MYOM1: variants seen among roughly 807,000 people sequenced by gnomAD.
MYOM1 encodes myomesin-1.
MYOM1 carries 164 observed loss-of-function variants against 205.3 expected under a neutral mutation model. That is an observed-to-expected ratio of 0.80 (90% CI 0.70 to 0.91). The LOEUF is 0.91. Among genes scored for constraint, MYOM1 ranks in the 40% least tolerant of loss-of-function variants. The pLI, the probability that MYOM1 is intolerant of heterozygous loss-of-function variation, is 0.00. For missense variants in MYOM1, 2,011 were observed against 2,127.3 expected, an observed-to-expected ratio of 0.95 and a Z score of 1.08; for synonymous variants, 772 against 789.4, an observed-to-expected ratio of 0.98 and a Z score of 0.37.
the MYOM1 span, among the ~76,000 whole-genome samples, chr18:3,236,110 T>G: frequency 6.6e-6 from 1 of 152,242 alleles, no homozygotes; most frequent in African/African-American, 2.4e-5. Flanking sequence ...GCTTTTACTC[T>G]GAGTGAAGTA....
At chr18:3,192,854 C>T (rs936794524) in intron 3 of MYOM1, among the ~76,000 whole-genome samples, 1 of 151,968 alleles carries the variant, frequency 6.6e-6, no homozygotes, top group African/African-American at 2.4e-5. Context: ...ATCTATTTCC[C>T]ATTGAACAAG....
rs759358324 is a variant in MYOM1 at position 3,215,105 on chromosome 18, G to A, written c.119C>T (p.Thr40Ile). The change falls in exon 2 of 38, where the codon ACC (threonine) becomes ATC (isoleucine). Residue 40 changes from threonine (T) to isoleucine (I), a missense_variant. Coordinates refer to ENST00000356443, the MANE Select transcript of MYOM1 (RefSeq NM_003803.4). ...QREKKRSAVY[T>I]QGSTAYSSRS... ...GCTGCTGTAGGCCGTGGAGCCCTGG[G>A]TGTAGACGGCGGAGCGTTTCTTCTC... The A allele has an allele frequency of 1.2e-6, 2 of 1,613,868 alleles. No individual in the cohort carries two copies. The highest frequency in any genetic ancestry group is 1.7e-6 in the Non-Finnish European group (2 of 1,179,870).
At position 3,079,314 on chromosome 18, in the gene MYOM1, CTCTG is replaced by C. The variant is rs1473638124; in HGVS notation, c.4509_4512del (p.Asp1503GlufsTer58). 11 of 1,613,756 alleles carry C rather than the reference CTCTG, an allele frequency of 6.8e-6. No homozygotes were observed. Among genetic ancestry groups the C allele is most frequent in the Admixed American group, 5.0e-5 (3 of 59,998 alleles). ...TGCTCTCCAGTGACCCCGGTCTTAA[CTCTG>C]TCTGAGTACCTAATGGCGGACCCAC... On this transcript the variant is annotated frameshift_variant, in exon 34 of 38. Coordinates refer to ENST00000356443, the MANE Select transcript of MYOM1 (RefSeq NM_003803.4). LOFTEE classifies it high-confidence loss of function.
At position 3,068,673 on chromosome 18, in the gene MYOM1, T is replaced by A. The variant is rs1598640533; in HGVS notation, c.4765-1118A>T. ...TCAGAATAACCTTTGTAACTCAGCATAATTACATCCAGATTCATCCAAGAT... is the reference window on the plus strand; with the variant it reads ...TCAGAATAACCTTTGTAACTCAGCAAAATTACATCCAGATTCATCCAAGAT... On this transcript the variant is annotated intron_variant, in intron 37 of 37. Coordinates refer to ENST00000356443, the MANE Select transcript of MYOM1 (RefSeq NM_003803.4). Among the ~76,000 whole-genome samples the A allele has an allele frequency of 2.0e-5, 3 of 152,224 alleles. No homozygotes were observed. In the East Asian group the frequency reaches 5.8e-4, roughly 29 times the overall value.
intron 2 of MYOM1, among the ~76,000 whole-genome samples, chr18:3,211,314 A>C (rs1365296757): frequency 6.6e-6 from 1 of 152,198 alleles, no homozygotes; most frequent in African/African-American, 2.4e-5. Flanking sequence ...CAGGTCATAC[A>C]CTAGACTCTC....
At chr18:3,088,446 T>C (rs2079181650) in intron 29 of MYOM1, among the ~76,000 whole-genome samples, 1 of 152,160 alleles carries the variant, frequency 6.6e-6, no homozygotes, top group African/African-American at 2.4e-5. Flanking sequence ...TCTTTGAGTT[T>C]ATCACATCTA....
intron 34 of MYOM1, among the ~76,000 whole-genome samples, chr18:3,077,700 G>A (rs2079035487): frequency 6.6e-6 from 1 of 152,174 alleles, no homozygotes; most frequent in Admixed American, 6.6e-5. Context: ...GAACCAGAGA[G>A]TAAAAATAAA....
chr18:3,186,523 C>G (rs2080812155), intron 5 of MYOM1, among the ~76,000 whole-genome samples: 1 of 152,092 alleles, frequency 6.6e-6, no homozygotes, highest in African/African-American at 2.4e-5. Flanking sequence ...CAGGAAAGTT[C>G]TCAGGTTAGG....
chr18:3,210,517 G>T (rs539797452), intron 2 of MYOM1, among the ~76,000 whole-genome samples: 8 of 152,262 alleles, frequency 5.3e-5, no homozygotes, highest in African/African-American at 1.4e-4. Context: ...ATCTATGTCT[G>T]ATTCTAAATA....
intron 29 of MYOM1, 81 bp downstream of exon 29, chr18:3,089,093 G>A: frequency 1.1e-6 from 1 of 932,764 alleles, no homozygotes; most frequent in Non-Finnish European, 1.7e-6. Flanking sequence ...AGATGGAAGA[G>A]ATGAAAAATT....
chr18:3,190,232 T>G (rs1240591335), intron 3 of MYOM1, among the ~76,000 whole-genome samples: 1 of 152,254 alleles, frequency 6.6e-6, no homozygotes, highest in East Asian at 1.9e-4. Flanking sequence ...TGCCTTTTGT[T>G]GTTAACCCCC....
At chr18:3,128,053 G>T (rs905582173) in intron 18 of MYOM1, among the ~76,000 whole-genome samples, 2 of 152,150 alleles carry the variant, frequency 1.3e-5, no homozygotes, top group African/African-American at 2.4e-5. Flanking sequence ...ACATCGAAGA[G>T]AATTTTCTGA....
intron 8 of MYOM1, among the ~76,000 whole-genome samples, chr18:3,170,625 C>T (rs2080543142): frequency 6.6e-6 from 1 of 152,108 alleles, no homozygotes; most frequent in Non-Finnish European, 1.5e-5. Context: ...ATCAACTCTC[C>T]TAGGCTTTAT....
chr18:3,074,913 C>G (rs1461780671), intron 36 of MYOM1, among the ~76,000 whole-genome samples: 1 of 152,044 alleles, frequency 6.6e-6, no homozygotes, highest in Admixed American at 6.6e-5. Flanking sequence ...CCTGCCTCAG[C>G]CTCCCAAGTA....
rs372804049 is a variant in MYOM1, at chr18:3,129,482, G to A, written c.2544C>T (p.Ser848=). Residue 848 remains serine (S), a synonymous_variant, in exon 18 of 38, where the codon AGC becomes AGT. Coordinates refer to ENST00000356443, the MANE Select transcript of MYOM1 (RefSeq NM_003803.4). ...GVSPDVCPAL[S]DEPGGLTASR... is the part of the protein sequence containing the mutation. ...AGGCGGTTAGTCCACCAGGCTCATC[G>A]CTCAGTGCGGGACACACATCTGGAG... 3 of 1,613,848 alleles carry A rather than the reference G, an allele frequency of 1.9e-6. No homozygotes were observed. The highest frequency in any genetic ancestry group is 2.5e-6 in the Non-Finnish European group (3 of 1,179,808).
At chr18:3,182,913 CTTTT>C (rs549386891) in intron 5 of MYOM1, among the ~76,000 whole-genome samples, 8 of 92,294 alleles carry the variant, frequency 8.7e-5, no homozygotes, top group African/African-American at 2.9e-4. Flanking sequence ...TTTCTTTCTT[CTTTT>C]TTTTTTTTTT....
intron 8 of MYOM1, among the ~76,000 whole-genome samples, chr18:3,171,852 G>A (rs541722348): frequency 2.0e-5 from 3 of 152,234 alleles, no homozygotes; most frequent in South Asian, 2.1e-4. Context: ...GAGTGGCTGT[G>A]ACAGAGACCA....
intron 19 of MYOM1, among the ~76,000 whole-genome samples, chr18:3,125,026 G>A (rs1399715011): frequency 6.6e-6 from 1 of 152,164 alleles, no homozygotes; most frequent in Non-Finnish European, 1.5e-5. Flanking sequence ...CATAAAAGAG[G>A]ATATCAAAAT....
chr18:3,112,469 G>A lies in MYOM1; in HGVS notation c.3304-57C>T. 2.2e-6 allele frequency: 3 copies of A among 1,377,056 alleles called. No homozygotes were observed. The South Asian group carries it at 4.1e-5, about 19-fold the overall frequency. 85.3% of individuals were successfully genotyped at this position (1,377,056 alleles called of 1,614,324 possible). A position where few individuals can be genotyped will look rare whatever the true frequency, so the allele number is the denominator to read the frequency against. On this transcript the variant is annotated intron_variant, in intron 21 of 37. Transcript: ENST00000356443. ...TTTGATGAAGCAGTGGCTGTTTTAT[G>A]TCATTTAAACAGACGGGGCTCTTCC...
Sources: gnomAD v4.1 joint callset for allele counts (sites outside exome capture counted in the v4.1 genomes callset) on GRCh38, gnomAD v4.1.1 for gene constraint, MANE v1.5 for transcripts, NCBI Gene and HGNC (gene_info 2026-07-23, HGNC 2026-07-21) for gene names.